Variants in SUCLG2 observed in about 807,000 individuals in gnomAD.
SUCLG2 encodes the protein succinate--CoA ligase [GDP-forming] subunit beta, mitochondrial.
A neutral mutation model predicts 47.9 loss-of-function variants in SUCLG2; 42 were observed. The observed-to-expected ratio is 0.88, with a 90% CI of 0.69 to 1.14. The LOEUF (loss-of-function observed/expected upper bound fraction) is 1.14, where lower values mean the gene tolerates loss of function less well. Ranked by LOEUF, SUCLG2 falls within the 50% of genes most tolerant of loss-of-function variation. The probability of loss-of-function intolerance (pLI) is 0.00; values close to 1 mark genes in which losing one functional copy is unlikely to be tolerated. For synonymous variants in SUCLG2, 195 were observed against 197.3 expected, an observed-to-expected ratio of 0.99 and a Z score of 0.10; for missense variants, 571 against 525.9, an observed-to-expected ratio of 1.09 and a Z score of -0.84.
chr3:67,561,121 A>C (rs1451366909), intron 2 of SUCLG2, among the ~76,000 whole-genome samples: 1 of 150,748 alleles, frequency 6.6e-6, no homozygotes, highest in Non-Finnish European at 1.5e-5. Flanking sequence ...GGTAAGAACA[A>C]CACAATCCTC....
intron 1 of SUCLG2, among the ~76,000 whole-genome samples, chr3:67,634,671 G>T (rs1700978849): frequency 6.6e-6 from 1 of 152,074 alleles, no homozygotes; most frequent in Admixed American, 6.6e-5. Flanking sequence ...TTAACTAAAG[G>T]TTCATTCAAT....
exon 11 of SUCLG2, chr3:67,360,509 C>T: frequency 9.4e-7 from 1 of 1,063,804 alleles, no homozygotes; most frequent in South Asian, 1.8e-5. Context: ...ATAAGCCATG[C>T]CCTTCCATTT....
chr3:67,614,960 T>C (rs891235355), intron 1 of SUCLG2, among the ~76,000 whole-genome samples: 1 of 152,188 alleles, frequency 6.6e-6, no homozygotes, highest in Non-Finnish European at 1.5e-5. Flanking sequence ...GGTGGGCACC[T>C]AGGTTTTGTT....
intron 2 of SUCLG2, among the ~76,000 whole-genome samples, chr3:67,602,615 T>C (rs1052283846): frequency 7.2e-5 from 11 of 152,124 alleles, no homozygotes; most frequent in African/African-American, 2.2e-4. Flanking sequence ...ATACATACAA[T>C]AGAAAATGTC....
At chr3:67,442,737 C>A (rs1703803364) in intron 9 of SUCLG2, among the ~76,000 whole-genome samples, 1 of 152,218 alleles carries the variant, frequency 6.6e-6, no homozygotes, top group African/African-American at 2.4e-5. Context: ...TTTTAATCAA[C>A]TGCTTGGCAA....
chr3:67,454,040 T>C (rs1288386020), intron 9 of SUCLG2, among the ~76,000 whole-genome samples: 2 of 152,242 alleles, frequency 1.3e-5, no homozygotes, highest in Non-Finnish European at 2.9e-5. Context: ...TAGAAGTTAA[T>C]AGGCTGACTG....
At chr3:67,432,571 A>T (rs1703514603) in intron 9 of SUCLG2, among the ~76,000 whole-genome samples, 1 of 152,040 alleles carries the variant, frequency 6.6e-6, no homozygotes, top group South Asian at 2.1e-4. Flanking sequence ...CTTTTTCTTT[A>T]CACCTGGTAA....
chr3:67,643,810 G>A (rs957368938), intron 1 of SUCLG2, among the ~76,000 whole-genome samples: 1 of 152,154 alleles, frequency 6.6e-6, no homozygotes, highest in Admixed American at 6.5e-5. Context: ...CCAAGTAGCT[G>A]GAATTACAGG....
intron 2 of SUCLG2, among the ~76,000 whole-genome samples, chr3:67,554,780 T>C (rs1447724847): frequency 1.3e-5 from 2 of 152,138 alleles, no homozygotes; most frequent in African/African-American, 2.4e-5. Context: ...TGGCTACCAG[T>C]AGCCATAATA....
chr3:67,405,125 A>C (rs770916080), intron 9 of SUCLG2, among the ~76,000 whole-genome samples: 5 of 152,178 alleles, frequency 3.3e-5, no homozygotes, highest in Non-Finnish European at 5.9e-5. Context: ...ACAAAAGTAA[A>C]GATCATCTAA....
At chr3:67,409,236 C>G (rs977851650) in intron 9 of SUCLG2, among the ~76,000 whole-genome samples, 1 of 152,160 alleles carries the variant, frequency 6.6e-6, no homozygotes, top group Non-Finnish European at 1.5e-5. Flanking sequence ...ACACTAAACT[C>G]TGTCCTGAGC....
At chr3:67,432,006 G>A (rs1156444308) in intron 9 of SUCLG2, among the ~76,000 whole-genome samples, 1 of 152,108 alleles carries the variant, frequency 6.6e-6, no homozygotes, top group African/African-American at 2.4e-5. Flanking sequence ...GTACATTGAG[G>A]GTGTCTAACC....
At chr3:67,413,700 T>C (rs551790497) in intron 9 of SUCLG2, among the ~76,000 whole-genome samples, 7 of 152,298 alleles carry the variant, frequency 4.6e-5, no homozygotes, top group African/African-American at 7.2e-5. Flanking sequence ...TCCACATGGC[T>C]TTTCTAGGAA....
In SUCLG2 at chr3:67,486,473, A is replaced by T. The variant is rs140578283; in HGVS notation, c.1062+9325T>A. On this transcript the variant is annotated intron_variant, in intron 9 of 10. Transcript: ENST00000307227. Reference sequence around the variant, plus strand: ...ACTCAACCATTGTTCTTAGCGGAAAAACACAGTTACATTTTTATGAGCCTC... The same window carrying T: ...ACTCAACCATTGTTCTTAGCGGAAATACACAGTTACATTTTTATGAGCCTC... 4.5e-3 allele frequency among the ~76,000 whole-genome samples: 679 copies of T among 152,316 alleles called. 10 individuals carry two copies. The East Asian group carries it at 0.059, about 13-fold the overall frequency.
intron 9 of SUCLG2, among the ~76,000 whole-genome samples, chr3:67,456,171 T>C (rs1319960201): frequency 1.3e-5 from 2 of 152,192 alleles, no homozygotes; most frequent in Non-Finnish European, 1.5e-5. Context: ...AGGTGGGACT[T>C]CCGGGATTCA....
chr3:67,615,252 G>A (rs1314754021), intron 1 of SUCLG2, among the ~76,000 whole-genome samples: 7 of 147,010 alleles, frequency 4.8e-5, no homozygotes, highest in African/African-American at 7.5e-5. Flanking sequence ...CAGCTACACA[G>A]AAAAAAAAAA....
chr3:67,535,469 A>G (rs1211214078), intron 2 of SUCLG2, among the ~76,000 whole-genome samples: 1 of 152,080 alleles, frequency 6.6e-6, no homozygotes, highest in Non-Finnish European at 1.5e-5. Context: ...TGTCCCCACA[A>G]AATCTCTCGT....
intron 9 of SUCLG2, among the ~76,000 whole-genome samples, chr3:67,441,810 T>A (rs1703770433): frequency 6.6e-6 from 1 of 152,120 alleles, no homozygotes. Flanking sequence ...CTCAGAATAT[T>A]TCCCCACTGC....
chr3:67,470,364 G>A (rs142405561), intron 9 of SUCLG2, among the ~76,000 whole-genome samples: 163 of 152,264 alleles, frequency 1.1e-3, no homozygotes, highest in African/African-American at 3.8e-3. Flanking sequence ...TCAGACTGCT[G>A]AGTCTGTAAC....
Sources: allele counts gnomAD v4.1 joint callset (sites outside exome capture counted in the v4.1 genomes callset), GRCh38; gene constraint gnomAD v4.1.1; transcripts MANE v1.5; gene names NCBI Gene and HGNC (gene_info 2026-07-23, HGNC 2026-07-21).